The following PVR variants were observed in gnomAD, a reference collection of about 807,000 sequenced individuals.
PVR encodes the protein PVR cell adhesion molecule.
A neutral mutation model predicts 43.3 loss-of-function variants in PVR; 39 were observed. The ratio of observed to expected loss-of-function variants is 0.90; its 90% CI spans 0.70 to 1.18. The LOEUF is 1.18. PVR is among the 50% of genes most tolerant of loss of function. The probability of loss-of-function intolerance (pLI) is 0.00; values close to 1 mark genes in which losing one functional copy is unlikely to be tolerated. For synonymous variants in PVR, 224 were observed against 233.2 expected (o/e 0.96, Z 0.36); for missense variants, 480 against 549.7 (o/e 0.87, Z 1.27).
chr19:44,644,193 A>G lies in PVR; in HGVS notation c.79+18A>G, dbSNP rs1264370062. 3 of 1,480,810 alleles carry G rather than the reference A, an allele frequency of 2.0e-6. No individual in the cohort carries two copies. Among genetic ancestry groups the G allele is most frequent in the Non-Finnish European group, 2.7e-6 (3 of 1,121,286 alleles). 91.7% of individuals were successfully genotyped at this position (1,480,810 alleles called of 1,614,324 possible). A position where few individuals can be genotyped will look rare whatever the true frequency, so the allele number is the denominator to read the frequency against. On this transcript the variant is annotated intron_variant, in intron 1 of 7. Transcript: ENST00000425690. ...AGGAACCGGTGAGTGACCCCCGCGC[A>G]GTCCGGTGGCCCCTGTCTGGCTCCC...
rs1973689214 is a variant in PVR, at chr19:44,665,443, T to C, written c.*3632T>C. The C allele has an allele frequency of 6.6e-6, 1 of 151,914 alleles. No individual in the cohort carries two copies. The highest frequency in any genetic ancestry group is 2.1e-4 in the South Asian group (1 of 4,816). 9.4% of individuals were successfully genotyped at this position (151,914 alleles called of 1,614,324 possible). ...GGGTGGATCACTTGAGGTAAGGAGTTCAAGACCAGACCATAGTGAAACCGT... is the reference window on the plus strand; with the variant it reads ...GGGTGGATCACTTGAGGTAAGGAGTCCAAGACCAGACCATAGTGAAACCGT... On this transcript the variant is annotated 3_prime_UTR_variant, in exon 8 of 8. Transcript: ENST00000425690.
At chr19:44,656,810 A>G (rs1973458365) in intron 4 of PVR, among the ~76,000 whole-genome samples, 1 of 152,048 alleles carries the variant, frequency 6.6e-6, no homozygotes, top group Non-Finnish European at 1.5e-5. Context: ...TCTCTACCAA[A>G]AAAGATACAA....
rs201794144 is a variant in PVR at position 44,647,582 on chromosome 19, G to A, written c.427+12G>A. 1.3e-6 allele frequency: 2 copies of A among 1,594,798 alleles called. No homozygotes were observed. The highest frequency in any genetic ancestry group is 1.7e-5 in the Admixed American group (1 of 58,512). On this transcript the variant is annotated intron_variant, in intron 2 of 7. Coordinates refer to ENST00000425690, the MANE Select transcript of PVR (RefSeq NM_006505.5). ...GCTCCGAGTGCTTGGTGAGCAGGGG[G>A]TTTTGGGGAGGCTGAATGAAAGGCA...
At chr19:44,645,582 G>A (rs1973094922) in intron 1 of PVR, among the ~76,000 whole-genome samples, 1 of 150,446 alleles carries the variant, frequency 6.6e-6, no homozygotes, top group Non-Finnish European at 1.5e-5. Context: ...TCTCACTGTG[G>A]CTTCTGGAGT....
chr19:44,645,450 G>A (rs1382427175), intron 1 of PVR, among the ~76,000 whole-genome samples: 15 of 84,650 alleles, frequency 1.8e-4, no homozygotes, highest in Non-Finnish European at 2.5e-4. Flanking sequence ...TATATAGTGC[G>A]TGTGTGCGTG....
chr19:44,665,139 C>G lies in PVR; in HGVS notation c.*3328C>G, dbSNP rs1973679342. 1 of 151,516 alleles carries G rather than the reference C, an allele frequency of 6.6e-6. No individual in the cohort carries two copies. Among genetic ancestry groups the G allele is most frequent in the African/African-American group, 2.4e-5 (1 of 41,354 alleles). 9.4% of individuals were successfully genotyped at this position (151,516 alleles called of 1,614,324 possible). A position where few individuals can be genotyped will look rare whatever the true frequency, so the allele number is the denominator to read the frequency against. On this transcript the variant is annotated 3_prime_UTR_variant, in exon 8 of 8. Transcript: ENST00000425690. ...GTAAGGTTAAGAAAACCGCAACTAT[C>G]CTTATCAGAGACTTGGCGGGGGGCA...
rs778751568 is a variant in PVR at position 44,647,228 on chromosome 19, G to A, written c.85G>A (p.Val29Ile). The change falls in exon 2 of 8, where the codon GTC (valine) becomes ATC (isoleucine). Residue 29 changes from valine (V) to isoleucine (I), a missense_variant. Physicochemically the swap from Val to Ile is conservative, Grantham distance 29 (BLOSUM62 3). Coordinates refer to ENST00000425690, the MANE Select transcript of PVR (RefSeq NM_006505.5). ...LSWPPPGTGD[V>I]VVQAPTQVPG... ...TTCTCTTCGGTTCTCCGCAGGGGAC[G>A]TCGTCGTGCAGGCGCCCACCCAGGT... 4 of 1,539,800 alleles carry A rather than the reference G, an allele frequency of 2.6e-6. No homozygotes were observed. Among genetic ancestry groups the A allele is most frequent in the Admixed American group, 2.0e-5 (1 of 50,414 alleles).
At chr19:44,649,558 T>C (rs1973220525) in intron 2 of PVR, among the ~76,000 whole-genome samples, 1 of 151,626 alleles carries the variant, frequency 6.6e-6, no homozygotes, top group Non-Finnish European at 1.5e-5. Context: ...GCCTCCCAAG[T>C]AACTGGGATT....
chr19:44,645,145 AT>A lies in PVR; in HGVS notation c.79+972del, dbSNP rs1973059245. On this transcript the variant is annotated intron_variant, in intron 1 of 7. Coordinates refer to ENST00000425690, the MANE Select transcript of PVR (RefSeq NM_006505.5). ...TATATTATAATATATTATATATATT[AT>A]TATAATATATAATATGTATATTATA... is the stretch of plus-strand genomic sequence containing the variant. Among the ~76,000 whole-genome samples, 7 of 82,638 alleles carry A rather than the reference AT, an allele frequency of 8.5e-5. 1 individual carries two copies. In the East Asian group the frequency reaches 1.5e-3, roughly 17 times the overall value. The allele number at this position is 82,638 out of a possible 152,430, so 54.2% of individuals were successfully genotyped here.
chr19:44,658,246 G>A (rs143599614), intron 5 of PVR, among the ~76,000 whole-genome samples: 2 of 152,240 alleles, frequency 1.3e-5, no homozygotes, highest in African/African-American at 4.8e-5. Context: ...AACAAAACAG[G>A]ACTTTATTGA....
At chr19:44,653,486 G>A (rs898925970) in intron 3 of PVR, among the ~76,000 whole-genome samples, 25 of 152,194 alleles carry the variant, frequency 1.6e-4, no homozygotes, top group African/African-American at 3.6e-4. Flanking sequence ...TGTCAATCAC[G>A]TATGGGATGG....
chr19:44,655,341 AG>A (rs1478851070), intron 4 of PVR, among the ~76,000 whole-genome samples: 1 of 152,176 alleles, frequency 6.6e-6, no homozygotes, highest in Non-Finnish European at 1.5e-5. Context: ...AACCCACCTC[AG>A]CCTCCTAAAG....
chr19:44,649,928 C>T lies in PVR; in HGVS notation c.547C>T (p.Leu183=). The T allele has an allele frequency of 1.2e-6, 2 of 1,613,064 alleles. No homozygotes were observed. Among genetic ancestry groups the T allele is most frequent in the Non-Finnish European group, 1.7e-6 (2 of 1,179,438 alleles). The stretch of plus-strand genomic sequence containing the variant: ...AGCCCAAATCACCTGGCACTCAGAC[C>T]TGGGCGGGATGCCCAATACGAGCCA... ...PPAQITWHSD[L]GGMPNTSQVP... is the part of the protein sequence containing the mutation. The change falls in exon 3 of 8, where the codon CTG becomes TTG. Residue 183 remains leucine (L), a synonymous_variant. Coordinates refer to ENST00000425690, the MANE Select transcript of PVR (RefSeq NM_006505.5).
chr19:44,660,850 T>C (rs1372938746), intron 6 of PVR, among the ~76,000 whole-genome samples: 1 of 152,114 alleles, frequency 6.6e-6, no homozygotes, highest in Non-Finnish European at 1.5e-5. Flanking sequence ...ATCTGTTTTG[T>C]TCACAGCTGT....
At chr19:44,655,760 A>G (rs982230342) in intron 4 of PVR, among the ~76,000 whole-genome samples, 2 of 152,030 alleles carry the variant, frequency 1.3e-5, no homozygotes, top group Admixed American at 1.3e-4. Context: ...TTCCCCTGCT[A>G]ACATTTTACT....
At chr19:44,661,414 C>G (rs1486100252) in intron 7 of PVR, 91 bp downstream of exon 7, 3 of 1,390,150 alleles carry the variant, frequency 2.2e-6, no homozygotes, top group African/African-American at 1.4e-5. Context: ...GCCTCAGGAG[C>G]CTGGGTCTTT....
intron 1 of PVR, among the ~76,000 whole-genome samples, chr19:44,646,198 G>C (rs1973109911): frequency 6.6e-6 from 1 of 152,112 alleles, no homozygotes; most frequent in Non-Finnish European, 1.5e-5. Flanking sequence ...CTAGGAAAAA[G>C]AATCAGAGAG....
chr19:44,650,561 C>CTTTTT (rs869225120), intron 3 of PVR, among the ~76,000 whole-genome samples: 1 of 135,526 alleles, frequency 7.4e-6, no homozygotes, highest in Non-Finnish European at 1.6e-5. Context: ...TCTTTCTTTC[C>CTTTTT]TTTTTTTTTT....
intron 1 of PVR, 111 bp from the exon 2 acceptor site, chr19:44,647,106 CGGGGAT>C: frequency 9.0e-6 from 6 of 663,898 alleles, no homozygotes; most frequent in Non-Finnish European, 1.5e-5. Context: ...CACGGTCCAC[CGGGGAT>C]CCAGGGCCCC....
Sources: allele counts gnomAD v4.1 joint callset (sites outside exome capture counted in the v4.1 genomes callset), GRCh38; gene constraint gnomAD v4.1.1; transcripts MANE v1.5; gene names NCBI Gene and HGNC (gene_info 2026-07-23, HGNC 2026-07-21).